The following ZNF354A variants were observed in gnomAD, a reference collection of about 807,000 sequenced individuals.
The protein encoded by ZNF354A is zinc finger protein 354A.
Under a neutral mutation model 53.3 loss-of-function variants are expected in ZNF354A, and 25 were observed. The observed-to-expected ratio is 0.47, with a 90% CI of 0.34 to 0.66. ZNF354A has a LOEUF of 0.66. ZNF354A is among the 30% of genes least tolerant of loss of function. ZNF354A has a pLI of 0.01. For missense variants in ZNF354A, 586 were observed against 716.8 expected (o/e 0.82, Z 2.08); for synonymous variants, 228 against 249.0 (o/e 0.92, Z 0.79).
At chr5:178,717,152 T>C (rs1765731890) in intron 4 of ZNF354A, among the ~76,000 whole-genome samples, 1 of 149,736 alleles carries the variant, frequency 6.7e-6, no homozygotes, top group African/African-American at 2.5e-5. Flanking sequence ...ACAAATCCTC[T>C]AAGGCCCAGG....
chr5:178,712,449 G>C lies in ZNF354A; in HGVS notation c.1429C>G (p.Gln477Glu). ...TGATGTTGAATGAGAGCTGAACTCT[G>C]TCTGAAGGCTTTTCCACATACTTTA... is the stretch of plus-strand genomic sequence containing the variant. Reference protein sequence around the residue: ...KCKVCGKAFRQSSALIQHQRM... With the variant: ...KCKVCGKAFRESSALIQHQRM... Residue 477 changes from glutamine (Q) to glutamate (E), a missense_variant, in exon 5 of 5, where the codon CAG becomes GAG. Gln to Glu is a conservative substitution (Grantham distance 29, BLOSUM62 2). Transcript: ENST00000335815. 6.2e-7 allele frequency: 1 copy of C among 1,613,954 alleles called. No individual in the cohort carries two copies. The highest frequency in any genetic ancestry group is 8.5e-7 in the Non-Finnish European group (1 of 1,179,884).
In ZNF354A at chr5:178,718,776, A is replaced by C. The variant is rs188787470; in HGVS notation, c.257-5155T>G. ...GAGACAGGGTCTTGCTCTGTTGCCCAGGCTGAAATGCACTGGTGCCATCAT... is the reference window on the plus strand; with the variant it reads ...GAGACAGGGTCTTGCTCTGTTGCCCCGGCTGAAATGCACTGGTGCCATCAT... On this transcript the variant is annotated intron_variant, in intron 4 of 4. Transcript: ENST00000335815. Among the ~76,000 whole-genome samples the C allele has an allele frequency of 2.4e-3, 364 of 152,264 alleles. 1 individual carries two copies. Among genetic ancestry groups the C allele is most frequent in the Admixed American group, 3.9e-3 (60 of 15,298 alleles).
intron 4 of ZNF354A, among the ~76,000 whole-genome samples, chr5:178,718,540 C>T (rs1045331117): frequency 3.3e-5 from 5 of 152,164 alleles, no homozygotes; most frequent in East Asian, 1.9e-4. Flanking sequence ...TTCCAACTGC[C>T]GGTTAGAATT....
chr5:178,729,557 T>C (rs1391646481), intron 1 of ZNF354A, among the ~76,000 whole-genome samples: 2 of 78,108 alleles, frequency 2.6e-5, no homozygotes, highest in Non-Finnish European at 6.1e-5. Context: ...GGAAAACGGC[T>C]TTTTTTTTTT....
At position 178,713,083 on chromosome 5, in the gene ZNF354A, A is replaced by G. The variant is rs1339366075; in HGVS notation, c.795T>C (p.Thr265=). 3.1e-6 allele frequency: 5 copies of G among 1,613,830 alleles called. No individual in the cohort carries two copies. In the Admixed American group the frequency reaches 6.7e-5, roughly 22 times the overall value. The change falls in exon 5 of 5, where the codon ACT becomes ACC. Residue 265 remains threonine (T), a synonymous_variant. Transcript: ENST00000335815. ...CTTTACATATGTAGGGTTTCTCTCC[A>G]GTATGCGTTATTTGATGTTGAATAA... ...SALIQHQITH[T]GEKPYICKEC...
chr5:178,726,955 A>G, intron 3 of ZNF354A, 44 bp downstream of exon 3: 1 of 1,577,404 alleles, frequency 6.3e-7, no homozygotes, highest in Non-Finnish European at 8.6e-7. Context: ...GTGCTGAGAT[A>G]TCCCAATTTT....
chr5:178,728,104 A>G (rs1455402221), intron 2 of ZNF354A, among the ~76,000 whole-genome samples: 1 of 152,144 alleles, frequency 6.6e-6, no homozygotes, highest in Non-Finnish European at 1.5e-5. Flanking sequence ...GACCTCCCAA[A>G]GTGCTGGGAT....
chr5:178,712,027 G>C lies in ZNF354A; in HGVS notation c.*33C>G, dbSNP rs748660773. ...AAGGATGTATTCTTCGATGAGCTTT[G>C]GTTTAAGGCTTTCACACATACAAAT... On this transcript the variant is annotated 3_prime_UTR_variant, in exon 5 of 5. Transcript: ENST00000335815. 3.3e-6 allele frequency: 5 copies of C among 1,537,216 alleles called. No homozygotes were observed. The South Asian group carries it at 6.5e-5, about 20-fold the overall frequency.
chr5:178,716,123 C>G (rs1765708649), intron 4 of ZNF354A, among the ~76,000 whole-genome samples: 1 of 152,082 alleles, frequency 6.6e-6, no homozygotes, highest in Admixed American at 6.5e-5. Context: ...TCTCGAACTC[C>G]TGATCTCATG....
In ZNF354A at chr5:178,711,883, C is replaced by T; in HGVS notation, c.*177G>A. ...GTTATTTTTTTAAGTGTCTGACAGG[C>T]ACAAACACTTTCCTCATATCTATTA... On this transcript the variant is annotated 3_prime_UTR_variant, in exon 5 of 5. Transcript: ENST00000335815. The T allele has an allele frequency of 3.1e-6, 2 of 653,212 alleles. No individual in the cohort carries two copies. The highest frequency in any genetic ancestry group is 3.6e-5 in the South Asian group (1 of 27,582). 40.5% of individuals were successfully genotyped at this position (653,212 alleles called of 1,614,324 possible).
rs1132336 is a variant in ZNF354A at position 178,713,089 on chromosome 5, C to G, written c.789G>C (p.Thr263=). ...QSSALIQHQI[T]HTGEKPYICK... The stretch of plus-strand genomic sequence containing the variant: ...ATATGTAGGGTTTCTCTCCAGTATG[C>G]GTTATTTGATGTTGAATAAGAGCTG... The change falls in exon 5 of 5, where the codon ACG becomes ACC. Residue 263 remains threonine, a synonymous_variant. Transcript: ENST00000335815. 6.2e-7 allele frequency: 1 copy of G among 1,613,802 alleles called. No individual in the cohort carries two copies. Among genetic ancestry groups the G allele is most frequent in the Non-Finnish European group, 8.5e-7 (1 of 1,179,962 alleles).
In ZNF354A at chr5:178,712,023, C is replaced by A. The variant is rs1405035460; in HGVS notation, c.*37G>T. On this transcript the variant is annotated 3_prime_UTR_variant, in exon 5 of 5. Coordinates refer to ENST00000335815, the MANE Select transcript of ZNF354A (RefSeq NM_005649.3). ...TCTCAAGGATGTATTCTTCGATGAG[C>A]TTTGGTTTAAGGCTTTCACACATAC... The A allele has an allele frequency of 1.3e-6, 2 of 1,530,218 alleles. No individual in the cohort carries two copies. Among genetic ancestry groups the A allele is most frequent in the Non-Finnish European group, 1.7e-6 (2 of 1,143,192 alleles). The allele number at this position is 1,530,218 out of a possible 1,614,324, so 94.8% of individuals were successfully genotyped here.
chr5:178,713,534 T>C lies in ZNF354A; in HGVS notation c.344A>G (p.Asn115Ser). ...QGLILKRSNRNVPWDLKLEKP... is the reference protein window; with the variant it reads ...QGLILKRSNRSVPWDLKLEKP... ...TTCTAATTTCAAATCCCAAGGTACA[T>C]TCCTGTTGGATCTTTTCAGTATCAG... Residue 115 changes from asparagine (N) to serine (S), a missense_variant, in exon 5 of 5, where the codon AAT becomes AGT. Asn to Ser is a conservative substitution (Grantham distance 46). This residue lies in a region of ZNF354A where 573 missense variants were observed against 680.1 expected (regional missense o/e 0.84). Transcript: ENST00000335815. The C allele has an allele frequency of 1.2e-6, 2 of 1,612,600 alleles. No homozygotes were observed. Among genetic ancestry groups the C allele is most frequent in the South Asian group, 1.1e-5 (1 of 90,852 alleles).
intron 1 of ZNF354A, among the ~76,000 whole-genome samples, chr5:178,730,302 C>T (rs1259437377): frequency 6.6e-6 from 1 of 152,050 alleles, no homozygotes; most frequent in Non-Finnish European, 1.5e-5. Flanking sequence ...CCGCGAGGCC[C>T]ACATGGAGTG....
At position 178,713,066 on chromosome 5, in the gene ZNF354A, A is replaced by G; in HGVS notation, c.812T>C (p.Ile271Thr). 1 of 1,613,904 alleles carries G rather than the reference A, an allele frequency of 6.2e-7. No individual in the cohort carries two copies. Among genetic ancestry groups the G allele is most frequent in the African/African-American group, 1.3e-5 (1 of 75,018 alleles). The change falls in exon 5 of 5, where the codon ATA (isoleucine) becomes ACA (threonine). Residue 271 changes from isoleucine to threonine, a missense_variant. Physicochemically the swap from Ile to Thr is moderately conservative, Grantham distance 89. This residue lies in a region of ZNF354A where 573 missense variants were observed against 680.1 expected (regional missense o/e 0.84). Coordinates refer to ENST00000335815, the MANE Select transcript of ZNF354A (RefSeq NM_005649.3). ...QITHTGEKPY[I>T]CKECGKAFTL... Reference sequence around the variant, plus strand: ...AAAGGCTTTCCCACATTCTTTACATATGTAGGGTTTCTCTCCAGTATGCGT... The same window carrying G: ...AAAGGCTTTCCCACATTCTTTACATGTGTAGGGTTTCTCTCCAGTATGCGT...
At chr5:178,728,619 A>G (rs777929921) in intron 2 of ZNF354A, among the ~76,000 whole-genome samples, 10 of 147,048 alleles carry the variant, frequency 6.8e-5, no homozygotes, top group South Asian at 2.3e-4. Flanking sequence ...GTGAAACCCC[A>G]TCTCTAATAA....
chr5:178,721,223 T>C (rs1765806496), intron 4 of ZNF354A, among the ~76,000 whole-genome samples: 1 of 152,178 alleles, frequency 6.6e-6, no homozygotes, highest in South Asian at 2.1e-4. Flanking sequence ...ATACGCGTTG[T>C]TGGCGATGTT....
chr5:178,712,225 T>C lies in ZNF354A; in HGVS notation c.1653A>G (p.Lys551=), dbSNP rs540586403. The C allele has an allele frequency of 2.5e-6, 4 of 1,614,114 alleles. No individual in the cohort carries two copies. Among genetic ancestry groups the C allele is most frequent in the South Asian group, 2.2e-5 (2 of 91,074 alleles). ...TAAAAGTTTTTCCACATGTATTACA[T>C]TTAAAGGGTTTTTCTCCTGTATGAA... is the stretch of plus-strand genomic sequence containing the variant. ...RRIHTGEKPF[K]CNTCGKTFRQ... Residue 551 remains lysine (K), a synonymous_variant, in exon 5 of 5, where the codon AAA becomes AAG. Transcript: ENST00000335815.
chr5:178,712,039 T>C lies in ZNF354A; in HGVS notation c.*21A>G, dbSNP rs1182248081. 1 of 1,553,406 alleles carries C rather than the reference T, an allele frequency of 6.4e-7. No homozygotes were observed. The stretch of plus-strand genomic sequence containing the variant: ...TTCGATGAGCTTTGGTTTAAGGCTT[T>C]CACACATACAAATCTACTTTCTAGG... On this transcript the variant is annotated 3_prime_UTR_variant, in exon 5 of 5. Coordinates refer to ENST00000335815, the MANE Select transcript of ZNF354A (RefSeq NM_005649.3).
Sources: gnomAD v4.1 joint callset for allele counts (sites outside exome capture counted in the v4.1 genomes callset) on GRCh38, gnomAD v4.1.1 for gene constraint, gnomAD v4.1.1 regional missense constraint, MANE v1.5 for transcripts, NCBI Gene and HGNC (gene_info 2026-07-23, HGNC 2026-07-21) for gene names.